The following JPH3 variants were observed in gnomAD, a reference collection of about 807,000 sequenced individuals.
The protein encoded by JPH3 is junctophilin-3.
Under a neutral mutation model 59.6 loss-of-function variants are expected in JPH3, and 11 were observed. That is an observed-to-expected ratio of 0.18 (90% CI 0.12 to 0.31). The LOEUF is 0.31. JPH3 is among the 10% of genes least tolerant of loss of function. The pLI is 1.00. For missense variants in JPH3, 1,202 were observed against 1,105.7 expected, an observed-to-expected ratio of 1.09 and a Z score of -1.24; for synonymous variants, 673 against 483.6, an observed-to-expected ratio of 1.39 and a Z score of -5.14.
intron 3 of JPH3, among the ~76,000 whole-genome samples, chr16:87,689,127 G>A (rs1204273697): frequency 2.6e-5 from 4 of 152,146 alleles, no homozygotes; most frequent in Non-Finnish European, 5.9e-5. Flanking sequence ...GAGGGAAGTC[G>A]GCTCCTGGGC....
chr16:87,669,161 G>C (rs1484661996), intron 2 of JPH3, among the ~76,000 whole-genome samples: 1 of 152,174 alleles, frequency 6.6e-6, no homozygotes. Context: ...TGCAGGGGAG[G>C]TGCAGGCATT....
At chr16:87,628,687 C>T (rs1336307332) in intron 1 of JPH3, among the ~76,000 whole-genome samples, 1 of 152,160 alleles carries the variant, frequency 6.6e-6, no homozygotes, top group African/African-American at 2.4e-5. Context: ...GTGCGAGAAT[C>T]GATTCAGTGG....
chr16:87,622,696 G>A (rs2031232023), intron 1 of JPH3, among the ~76,000 whole-genome samples: 1 of 151,978 alleles, frequency 6.6e-6, no homozygotes. Flanking sequence ...TGGGGTCTGG[G>A]GGAGCCCCAG....
rs747066238 is a variant in JPH3, at chr16:87,644,850, C to T, written c.975C>T (p.Cys325=). The change falls in exon 2 of 5, where the codon TGC becomes TGT. Residue 325 remains cysteine (C), a synonymous_variant. Transcript: ENST00000284262. ...GCAACCGGCGCCATGGCTACGGCTG[C>T]ATGACCTTCCCGGACGGCACCAAGG... ...WASNRRHGYG[C]MTFPDGTKEE... 1 of 1,613,532 alleles carries T rather than the reference C, an allele frequency of 6.2e-7. No individual in the cohort carries two copies. Among genetic ancestry groups the T allele is most frequent in the Non-Finnish European group, 8.5e-7 (1 of 1,179,930 alleles).
rs192926184 is a variant in JPH3, at chr16:87,612,984, C to T, written c.382+9456C>T. Among the ~76,000 whole-genome samples the T allele has an allele frequency of 4.4e-3, 673 of 151,574 alleles. 4 individuals are homozygous for T. The highest frequency in any genetic ancestry group is 0.021 in the Middle Eastern group (6 of 292). On this transcript the variant is annotated intron_variant, in intron 1 of 4. Coordinates refer to ENST00000284262, the MANE Select transcript of JPH3 (RefSeq NM_020655.4). ...GAGCTTGCAGTGAGCCAAGATAGCG[C>T]CCCTGCAGTCCGGCCTGGGTGAAAG...
chr16:87,623,169 G>T (rs755084392), intron 1 of JPH3, among the ~76,000 whole-genome samples: 1 of 152,206 alleles, frequency 6.6e-6, no homozygotes, highest in Non-Finnish European at 1.5e-5. Flanking sequence ...CCAAGCTCTC[G>T]TCCTGGTCTC....
chr16:87,668,647 C>T (rs935965449), intron 2 of JPH3, among the ~76,000 whole-genome samples: 12 of 152,184 alleles, frequency 7.9e-5, no homozygotes, highest in Admixed American at 3.9e-4. Context: ...AGTGTTAGGT[C>T]GTGTGCCTGC....
intron 1 of JPH3, among the ~76,000 whole-genome samples, chr16:87,625,779 C>T (rs1301070160): frequency 6.6e-6 from 1 of 152,186 alleles, no homozygotes; most frequent in African/African-American, 2.4e-5. Context: ...CCGGGGTTTA[C>T]TGCGAGCCGT....
Position 87,644,125 on chromosome 16 carries a change from G to A in JPH3, c.383-133G>A, listed in dbSNP as rs897976268. The A allele has an allele frequency of 4.0e-5, 38 of 961,854 alleles. No homozygotes were observed. In the East Asian group the frequency reaches 5.8e-4, roughly 15 times the overall value. 59.6% of individuals were successfully genotyped at this position (961,854 alleles called of 1,614,324 possible). On this transcript the variant is annotated intron_variant, in intron 1 of 4. Transcript: ENST00000284262. ...TGCACTCCAGCCTGGGCAACACAGC[G>A]AGAACCTGTCTCAAAAAACACAAAA...
At chr16:87,693,796 G>T in intron 4 of JPH3, 1 of 152,604 alleles carries the variant, frequency 6.6e-6, no homozygotes, top group Non-Finnish European at 1.5e-5. Flanking sequence ...TGCCAGGTGT[G>T]GTGCAGAGCA....
intron 2 of JPH3, among the ~76,000 whole-genome samples, chr16:87,647,562 C>A (rs1476304333): frequency 1.3e-5 from 2 of 152,294 alleles, no homozygotes; most frequent in East Asian, 1.9e-4. Context: ...CTGACTCCGT[C>A]CCTTCGCCCG....
At chr16:87,612,161 T>A (rs1226417283) in intron 1 of JPH3, among the ~76,000 whole-genome samples, 1 of 152,220 alleles carries the variant, frequency 6.6e-6, no homozygotes, top group Non-Finnish European at 1.5e-5. Flanking sequence ...TGGCTCCGTC[T>A]GTCGTCCTGG....
chr16:87,693,332 C>T (rs2033659540), intron 4 of JPH3, among the ~76,000 whole-genome samples: 1 of 152,196 alleles, frequency 6.6e-6, no homozygotes, highest in South Asian at 2.1e-4. Context: ...TTTACAAAGC[C>T]CTTTGCTGAC....
In JPH3 at chr16:87,632,908, A is replaced by T. The variant is rs530689277; in HGVS notation, c.383-11350A>T. On this transcript the variant is annotated intron_variant, in intron 1 of 4. Coordinates refer to ENST00000284262, the MANE Select transcript of JPH3 (RefSeq NM_020655.4). ...ACTCTGTCTCAAAAAAAAAAAAAAAATTTTGGTAGAGACAGGGTCTTGCTG... is the reference window on the plus strand; with the variant it reads ...ACTCTGTCTCAAAAAAAAAAAAAAATTTTTGGTAGAGACAGGGTCTTGCTG... Among the ~76,000 whole-genome samples, 553 of 151,504 alleles carry T rather than the reference A, an allele frequency of 3.7e-3. 8 individuals are homozygous for T. The highest frequency in any genetic ancestry group is 0.011 in the African/African-American group (467 of 41,242).
chr16:87,676,984 C>G (rs1011633568), intron 2 of JPH3, among the ~76,000 whole-genome samples: 1 of 151,690 alleles, frequency 6.6e-6, no homozygotes, highest in Non-Finnish European at 1.5e-5. Flanking sequence ...ATGGTGAAAC[C>G]CCGTCTCTAC....
intron 1 of JPH3, among the ~76,000 whole-genome samples, chr16:87,615,013 G>T (rs2030901321): frequency 6.9e-6 from 1 of 144,152 alleles, no homozygotes; most frequent in South Asian, 2.3e-4. Context: ...GCTGGTCCCT[G>T]CACACACGAG....
chr16:87,616,428 T>G (rs1469630951), intron 1 of JPH3, among the ~76,000 whole-genome samples: 1 of 151,430 alleles, frequency 6.6e-6, no homozygotes, highest in Non-Finnish European at 1.5e-5. Context: ...TTTTTTGTAT[T>G]TTTAGTAAAG....
At chr16:87,648,970 G>C (rs1041307952) in intron 2 of JPH3, among the ~76,000 whole-genome samples, 1 of 152,188 alleles carries the variant, frequency 6.6e-6, no homozygotes, top group Non-Finnish European at 1.5e-5. Flanking sequence ...TGCTGCCGCC[G>C]GGAGGCCTTG....
At chr16:87,639,881 G>T (rs1345380722) in intron 1 of JPH3, among the ~76,000 whole-genome samples, 1 of 152,198 alleles carries the variant, frequency 6.6e-6, no homozygotes, top group African/African-American at 2.4e-5. Flanking sequence ...CACTGCATGG[G>T]GGGACCACGT....
Sources: allele counts gnomAD v4.1 joint callset (sites outside exome capture counted in the v4.1 genomes callset), GRCh38; gene constraint gnomAD v4.1.1; transcripts MANE v1.5; gene names NCBI Gene and HGNC (gene_info 2026-07-23, HGNC 2026-07-21).